The following LEPR variants were observed in gnomAD, a reference collection of about 807,000 sequenced individuals.
The protein encoded by LEPR is leptin receptor.
LEPR carries 56 observed loss-of-function variants against 114.7 expected under a neutral mutation model. That is an observed-to-expected ratio of 0.49 (90% CI 0.39 to 0.61). The LOEUF is 0.61. Among genes scored for constraint, LEPR ranks in the 20% least tolerant of loss-of-function variants. The probability of loss-of-function intolerance (pLI) is 0.00; values close to 1 mark genes in which losing one functional copy is unlikely to be tolerated. For synonymous variants in LEPR, 443 were observed against 461.4 expected, an observed-to-expected ratio of 0.96 and a Z score of 0.51; for missense variants, 1,202 against 1,352.9, an observed-to-expected ratio of 0.89 and a Z score of 1.75.
At chr1:65,421,182 A>T in intron 1 of LEPR, 1 of 784,418 alleles carries the variant, frequency 1.3e-6, no homozygotes, top group Non-Finnish European at 1.9e-6. Flanking sequence ...TCTTTTTCCT[A>T]ATGATTTTTC....
intron 5 of LEPR, among the ~76,000 whole-genome samples, chr1:65,588,982 A>C (rs573966108): frequency 6.6e-6 from 1 of 152,244 alleles, no homozygotes; most frequent in East Asian, 1.9e-4. Flanking sequence ...TTAACAACTT[A>C]AGAAAGTGCC....
chr1:65,502,257 C>T (rs1397947586), intron 2 of LEPR, among the ~76,000 whole-genome samples: 1 of 151,972 alleles, frequency 6.6e-6, no homozygotes, highest in Non-Finnish European at 1.5e-5. Flanking sequence ...TTTGGACATA[C>T]CAAGAGACTC....
At chr1:65,439,146 G>C (rs374273220) in intron 2 of LEPR, among the ~76,000 whole-genome samples, 2 of 152,140 alleles carry the variant, frequency 1.3e-5, no homozygotes, top group East Asian at 3.9e-4. Context: ...ATCTTCAGAT[G>C]TATATCCCTC....
chr1:65,490,838 T>G (rs796326070), intron 2 of LEPR, among the ~76,000 whole-genome samples: 2 of 152,236 alleles, frequency 1.3e-5, no homozygotes, highest in African/African-American at 4.8e-5. Flanking sequence ...TGTGGAAGTA[T>G]CTTCCAAGCT....
chr1:65,462,046 G>A (rs1646952522), intron 2 of LEPR, among the ~76,000 whole-genome samples: 1 of 152,104 alleles, frequency 6.6e-6, no homozygotes, highest in South Asian at 2.1e-4. Flanking sequence ...CAATGTGCAG[G>A]TTTGTTACGT....
intron 2 of LEPR, among the ~76,000 whole-genome samples, chr1:65,492,822 TTTTCCAAAAAA>T (rs1488085973): frequency 6.6e-6 from 1 of 151,714 alleles, no homozygotes; most frequent in East Asian, 1.9e-4. Context: ...TCTTTTTTTT[TTTTCCAAAAAA>T]GTGAATATTT....
At chr1:65,483,419 A>G (rs1647318273) in intron 2 of LEPR, among the ~76,000 whole-genome samples, 1 of 152,168 alleles carries the variant, frequency 6.6e-6, no homozygotes, top group South Asian at 2.1e-4. Context: ...GGACAATGAG[A>G]ACCTTAGACA....
Position 65,636,690 on chromosome 1 carries a change from A to G in LEPR, c.3173A>G (p.Asp1058Gly), listed in dbSNP as rs780722302. ...SPHLTFSEGL[D>G]ELLKLEGNFP... is the part of the protein sequence containing the mutation. ...CACCTCACATTCTCAGAAGGATTGG[A>G]TGAACTTTTGAAATTGGAGGGAAAT... The change falls in exon 20 of 20, where the codon GAT becomes GGT. Residue 1058 changes from aspartate (D) to glycine (G), a missense_variant. Physicochemically the swap from Asp to Gly is moderately conservative, Grantham distance 94. Coordinates refer to ENST00000349533, the MANE Select transcript of LEPR (RefSeq NM_002303.6). 3 of 1,609,242 alleles carry G rather than the reference A, an allele frequency of 1.9e-6. No homozygotes were observed. Among genetic ancestry groups the G allele is most frequent in the Non-Finnish European group, 2.5e-6 (3 of 1,176,998 alleles).
In LEPR at chr1:65,637,016, T is replaced by C. The variant is rs1452487980; in HGVS notation, c.*1T>C. 1 of 1,612,918 alleles carries C rather than the reference T, an allele frequency of 6.2e-7. No individual in the cohort carries two copies. Among genetic ancestry groups the C allele is most frequent in the Non-Finnish European group, 8.5e-7 (1 of 1,179,786 alleles). ...CAAGATGTGTGACCTAACTGTGTAA[T>C]TTCACTGAAGAAACCTTCAGATTTG... On this transcript the variant is annotated 3_prime_UTR_variant, in exon 20 of 20. Transcript: ENST00000349533.
rs775755358 is a variant in LEPR, at chr1:65,610,087, A to G, written c.1893A>G (p.Thr631=). The change falls in exon 13 of 20, where the codon ACA becomes ACG. Residue 631 remains threonine (T), a synonymous_variant. Coordinates refer to ENST00000349533, the MANE Select transcript of LEPR (RefSeq NM_002303.6). ...YWSNWSNPAY[T]VVMDIKVPMR... The stretch of plus-strand genomic sequence containing the variant: ...GTAATTGGAGCAATCCAGCCTACAC[A>G]GTTGTCATGGATATAAAAGGTCTGC... 7 of 1,614,108 alleles carry G rather than the reference A, an allele frequency of 4.3e-6. No individual in the cohort carries two copies. The highest frequency in any genetic ancestry group is 3.3e-5 in the Admixed American group (2 of 60,012).
chr1:65,610,328 G>T lies in LEPR; in HGVS notation c.1995+32G>T, dbSNP rs768740739. The T allele has an allele frequency of 3.9e-6, 6 of 1,540,730 alleles. No individual in the cohort carries two copies. In the African/African-American group the frequency reaches 6.9e-5, roughly 18 times the overall value. On this transcript the variant is annotated intron_variant, in intron 14 of 19. Coordinates refer to ENST00000349533, the MANE Select transcript of LEPR (RefSeq NM_002303.6). ...CCAATTTTAATATTAATCTTAAATT[G>T]TATTTTTATACTCTTAAAAATTTAC...
At chr1:65,438,728 T>C (rs1336497291) in intron 2 of LEPR, among the ~76,000 whole-genome samples, 1 of 152,170 alleles carries the variant, frequency 6.6e-6, no homozygotes, top group Non-Finnish European at 1.5e-5. Flanking sequence ...TTTTCTACTC[T>C]GTGTTTCTTC....
intron 19 of LEPR, among the ~76,000 whole-genome samples, chr1:65,627,587 C>G (rs1251721411): frequency 6.6e-6 from 1 of 152,056 alleles, no homozygotes; most frequent in Non-Finnish European, 1.5e-5. Flanking sequence ...ATTATATGAT[C>G]CAGTAATTCC....
intron 2 of LEPR, among the ~76,000 whole-genome samples, chr1:65,495,371 G>A (rs1648101082): frequency 6.6e-6 from 1 of 152,160 alleles, no homozygotes. Context: ...CTGTTAGAAT[G>A]ACTGTTGTCA....
At chr1:65,586,040 G>C (rs1307313210) in intron 5 of LEPR, among the ~76,000 whole-genome samples, 2 of 151,916 alleles carry the variant, frequency 1.3e-5, no homozygotes, top group African/African-American at 4.8e-5. Context: ...ACATGATTCA[G>C]GTTATAATTA....
chr1:65,453,022 C>T (rs572701383), intron 2 of LEPR, among the ~76,000 whole-genome samples: 38 of 152,220 alleles, frequency 2.5e-4, no homozygotes, highest in South Asian at 6.2e-4. Context: ...GTGTATATGT[C>T]GAGGAATTTA....
intron 3 of LEPR, among the ~76,000 whole-genome samples, chr1:65,568,367 TGAGAACATGTGGTATTG>T (rs1361757452): frequency 6.6e-6 from 1 of 152,184 alleles, no homozygotes; most frequent in African/African-American, 2.4e-5. Context: ...TACTTATAAG[TGAGAACATGTGGTATTG>T]GATTTTCTGT....
At chr1:65,566,757 G>T (rs1653791552) in intron 3 of LEPR, among the ~76,000 whole-genome samples, 1 of 152,088 alleles carries the variant, frequency 6.6e-6, no homozygotes, top group Non-Finnish European at 1.5e-5. Context: ...CATCTCCTTG[G>T]CTACCCCAAT....
chr1:65,588,418 GTTGATATA>G (rs1655465766), intron 5 of LEPR, among the ~76,000 whole-genome samples: 1 of 151,830 alleles, frequency 6.6e-6, no homozygotes, highest in East Asian at 1.9e-4. Context: ...TTGAGGTATA[GTTGATATA>G]TAATAAGCTG....
Sources: gnomAD v4.1 joint callset for allele counts (sites outside exome capture counted in the v4.1 genomes callset) on GRCh38, gnomAD v4.1.1 for gene constraint, MANE v1.5 for transcripts, NCBI Gene and HGNC (gene_info 2026-07-23, HGNC 2026-07-21) for gene names.